The following SRRM2 variants were observed in gnomAD, a reference collection of about 807,000 sequenced individuals.
The protein encoded by SRRM2 is serine/arginine repetitive matrix 2, also known as serine/arginine repetitive matrix protein 2.
Under a neutral mutation model 213.8 loss-of-function variants are expected in SRRM2, and 30 were observed. The observed-to-expected ratio is 0.14, with a 90% CI of 0.10 to 0.19. The LOEUF (loss-of-function observed/expected upper bound fraction) is 0.19. Among genes scored for constraint, SRRM2 ranks in the 10% least tolerant of loss-of-function variants. The pLI is 1.00. For synonymous variants in SRRM2, 2,025 were observed against 1,377.7 expected (o/e 1.47, Z -10.40); for missense variants, 4,904 against 3,647.0 (o/e 1.34, Z -8.88).
In SRRM2 at chr16:2,765,348, A is replaced by C. The variant is rs757965536; in HGVS notation, c.4820A>C (p.Lys1607Thr). The C allele has an allele frequency of 3.1e-6, 5 of 1,614,136 alleles. No homozygotes were observed. The East Asian group carries it at 1.1e-4, about 36-fold the overall frequency. Reference sequence around the variant, plus strand: ...GGTTCCTCCCCTGAAGTGAAAGATAAGCCAAGAGCAGCACCCAGGGCACAG... The same window carrying C: ...GGTTCCTCCCCTGAAGTGAAAGATACGCCAAGAGCAGCACCCAGGGCACAG... ...RSGSSPEVKD[K>T]PRAAPRAQSG... Residue 1607 changes from lysine (K) to threonine (T), a missense_variant, in exon 11 of 15, where the codon AAG becomes ACG. Lys to Thr is a moderately conservative substitution (Grantham distance 78). Coordinates refer to ENST00000301740, the MANE Select transcript of SRRM2 (RefSeq NM_016333.4).
In SRRM2 at chr16:2,761,815, A is replaced by G. The variant is rs1352287973; in HGVS notation, c.1287A>G (p.Lys429=). 1.9e-6 allele frequency: 3 copies of G among 1,613,628 alleles called. No homozygotes were observed. The highest frequency in any genetic ancestry group is 2.2e-5 in the South Asian group (2 of 91,064). Residue 429 remains lysine, a synonymous_variant, in exon 11 of 15, where the codon AAA becomes AAG. Coordinates refer to ENST00000301740, the MANE Select transcript of SRRM2 (RefSeq NM_016333.4). ...GCCCACCATCCCCTCAACCTACCAA[A>G]GTTTCTCGGCATGCCAGCTCTTCCC... is the stretch of plus-strand genomic sequence containing the variant. ...ESSPPSPQPT[K]VSRHASSSPE...
intron 2 of SRRM2, among the ~76,000 whole-genome samples, chr16:2,757,082 C>G (rs2240145): frequency 6.6e-6 from 1 of 152,128 alleles, no homozygotes; most frequent in Non-Finnish European, 1.5e-5. Context: ...GAAAAGGAGC[C>G]CATTAAGGCA....
Position 2,763,303 on chromosome 16 carries a change from A to T in SRRM2, c.2775A>T (p.Pro925=), listed in dbSNP as rs542517343. 1.9e-6 allele frequency: 3 copies of T among 1,614,174 alleles called. No individual in the cohort carries two copies. The South Asian group carries it at 3.3e-5, about 18-fold the overall frequency. Residue 925 remains proline (P), a synonymous_variant, in exon 11 of 15, where the codon CCA becomes CCT. Coordinates refer to ENST00000301740, the MANE Select transcript of SRRM2 (RefSeq NM_016333.4). The stretch of plus-strand genomic sequence containing the variant: ...CCAAAGTGAAGGCAATAATATCACC[A>T]AGACAAAGAAGCCATTCTGGCTCCT... ...PQPKVKAIIS[P]RQRSHSGSSS... is the part of the protein sequence containing the mutation.
chr16:2,766,942 C>A lies in SRRM2; in HGVS notation c.6414C>A (p.Pro2138=), dbSNP rs144378555. ...GCAGATCACCTGGAATGCTTGAACC[C>A]CTTGGCAGCTCTAGAACACCCATGT... The part of the protein sequence containing the change: ...DRCRSPGMLE[P]LGSSRTPMSV... The change falls in exon 11 of 15, where the codon CCC becomes CCA. Residue 2138 remains proline (P), a synonymous_variant. Coordinates refer to ENST00000301740, the MANE Select transcript of SRRM2 (RefSeq NM_016333.4). The surrounding 1 kb of genome is among the most constrained non-coding windows in gnomAD (Gnocchi z 7.0). 1.2e-6 allele frequency: 2 copies of A among 1,614,092 alleles called. No individual in the cohort carries two copies.
rs1360522457 is a variant in SRRM2 at position 2,752,814 on chromosome 16, C to T, written c.-64C>T. ...TCGAGCAGCGGCGGCGGCAAGACCT[C>T]TCCCCCTCGGAGGCGGCGGGCGGAG... is the stretch of plus-strand genomic sequence containing the variant. On this transcript the variant is annotated 5_prime_UTR_variant, in exon 1 of 15. Transcript: ENST00000301740. The T allele has an allele frequency of 1.2e-5, 4 of 322,280 alleles. No individual in the cohort carries two copies. Among genetic ancestry groups the T allele is most frequent in the African/African-American group, 2.3e-5 (1 of 43,778 alleles). 20.0% of individuals were successfully genotyped at this position (322,280 alleles called of 1,614,324 possible). A position where few individuals can be genotyped will look rare whatever the true frequency, so the allele number is the denominator to read the frequency against.
In SRRM2 at chr16:2,761,843, G is replaced by C. The variant is rs1166295625; in HGVS notation, c.1315G>C (p.Glu439Gln). The C allele has an allele frequency of 6.2e-7, 1 of 1,613,360 alleles. No homozygotes were observed. Among genetic ancestry groups the C allele is most frequent in the South Asian group, 1.1e-5 (1 of 91,066 alleles). Residue 439 changes from glutamate to glutamine, a missense_variant, in exon 11 of 15, where the codon GAA (glutamate) becomes CAA (glutamine). Coordinates refer to ENST00000301740, the MANE Select transcript of SRRM2 (RefSeq NM_016333.4). ...KVSRHASSSP[E>Q]SPKPAPAPGS... The stretch of plus-strand genomic sequence containing the variant: ...TTCTCGGCATGCCAGCTCTTCCCCA[G>C]AAAGTCCTAAACCTGCTCCAGCTCC...
At chr16:2,753,573 C>T (rs2068023678) in intron 1 of SRRM2, 1 of 152,148 alleles carries the variant, frequency 6.6e-6, no homozygotes, top group African/African-American at 2.4e-5. Flanking sequence ...CCCGAGAATT[C>T]GTGTTCAAAC....
chr16:2,763,555 T>G lies in SRRM2; in HGVS notation c.3027T>G (p.Leu1009=). ...CCCAAACTCCACCGGGGCCAAGTCT[T>G]TCTGGATCAAAGTCACCATGTCCCC... ...VKAQTPPGPS[L]SGSKSPCPQE... is the part of the protein sequence containing the mutation. The change falls in exon 11 of 15, where the codon CTT becomes CTG. Residue 1009 remains leucine, a synonymous_variant. Transcript: ENST00000301740. 1 of 1,614,130 alleles carries G rather than the reference T, an allele frequency of 6.2e-7. No homozygotes were observed. The highest frequency in any genetic ancestry group is 1.1e-5 in the South Asian group (1 of 91,072).
intron 4 of SRRM2, among the ~76,000 whole-genome samples, chr16:2,758,187 G>A (rs780400081): frequency 2.0e-4 from 30 of 152,026 alleles, no homozygotes; most frequent in Non-Finnish European, 1.8e-4. Context: ...CAGCCTGGGC[G>A]ATGTAGTGAG....
intron 12 of SRRM2, chr16:2,769,675 C>T (rs1245748665): frequency 1.6e-5 from 8 of 511,966 alleles, no homozygotes; most frequent in African/African-American, 9.6e-5. Flanking sequence ...CCACATGTAG[C>T]CAGAGGGACC....
In SRRM2 at chr16:2,762,917, A is replaced by G. The variant is rs750652275; in HGVS notation, c.2389A>G (p.Ser797Gly). ...KQKSQTPPRR[S>G]RSGSSQPKAK... ...AAAGTCACAGACACCACCCAGGCGCAGTCGCTCTGGATCCTCCCAACCTAA... is the reference window on the plus strand; with the variant it reads ...AAAGTCACAGACACCACCCAGGCGCGGTCGCTCTGGATCCTCCCAACCTAA... Residue 797 changes from serine (S) to glycine (G), a missense_variant, in exon 11 of 15, where the codon AGT becomes GGT. Physicochemically the swap from Ser to Gly is moderately conservative, Grantham distance 56 (BLOSUM62 0). Coordinates refer to ENST00000301740, the MANE Select transcript of SRRM2 (RefSeq NM_016333.4). 4.3e-6 allele frequency: 7 copies of G among 1,609,944 alleles called. No individual in the cohort carries two copies. The highest frequency in any genetic ancestry group is 3.3e-5 in the Admixed American group (2 of 59,914).
At position 2,770,983 on chromosome 16, in the gene SRRM2, C is replaced by T. The variant is rs557390123; in HGVS notation, c.*116C>T. The T allele has an allele frequency of 5.2e-6, 7 of 1,335,230 alleles. No individual in the cohort carries two copies. The highest frequency in any genetic ancestry group is 3.0e-5 in the African/African-American group (2 of 67,578). The allele number at this position is 1,335,230 out of a possible 1,614,324, so 82.7% of individuals were successfully genotyped here. On this transcript the variant is annotated 3_prime_UTR_variant, in exon 15 of 15. Coordinates refer to ENST00000301740, the MANE Select transcript of SRRM2 (RefSeq NM_016333.4). ...CTGCTCTCCTTTGAACCTTGGCAGC[C>T]CTTGGATGGAGGGCTCCCTTTCCCT...
intron 12 of SRRM2, chr16:2,769,841 C>A (rs2068680039): frequency 2.1e-6 from 1 of 466,322 alleles, no homozygotes. Context: ...TGCCCGCCCC[C>A]ACACATGCCC....
At position 2,766,377 on chromosome 16, in the gene SRRM2, C is replaced by G. The variant is rs2068543892; in HGVS notation, c.5849C>G (p.Thr1950Ser). Reference protein sequence around the residue: ...PTTRRRSRSRTPPVTRRRSRS... With the variant: ...PTTRRRSRSRSPPVTRRRSRS... ...ACACGCCGCCGCTCCCGTTCTAGAACTCCACCAGTGACTCGCAGAAGGTCC... is the reference window on the plus strand; with the variant it reads ...ACACGCCGCCGCTCCCGTTCTAGAAGTCCACCAGTGACTCGCAGAAGGTCC... The change falls in exon 11 of 15, where the codon ACT becomes AGT. Residue 1950 changes from threonine to serine, a missense_variant. Coordinates refer to ENST00000301740, the MANE Select transcript of SRRM2 (RefSeq NM_016333.4). The surrounding 1 kb of genome is among the most constrained non-coding windows in gnomAD (Gnocchi z 7.0). 6.2e-7 allele frequency: 1 copy of G among 1,614,180 alleles called. No individual in the cohort carries two copies. Among genetic ancestry groups the G allele is most frequent in the African/African-American group, 1.3e-5 (1 of 75,048 alleles).
At position 2,765,567 on chromosome 16, in the gene SRRM2, C is replaced by T. The variant is rs949235639; in HGVS notation, c.5039C>T (p.Thr1680Ile). Reference sequence around the variant, plus strand: ...TCCAGGTCATCACCAGAGCCCAAGACCAAGTCTCGTACACCACCTCGACGT... The same window carrying T: ...TCCAGGTCATCACCAGAGCCCAAGATCAAGTCTCGTACACCACCTCGACGT... ...RGSRSSPEPK[T>I]KSRTPPRRRS... Residue 1680 changes from threonine to isoleucine, a missense_variant, in exon 11 of 15, where the codon ACC (threonine) becomes ATC (isoleucine). Coordinates refer to ENST00000301740, the MANE Select transcript of SRRM2 (RefSeq NM_016333.4). The T allele has an allele frequency of 2.5e-6, 4 of 1,614,086 alleles. No individual in the cohort carries two copies. Among genetic ancestry groups the T allele is most frequent in the Non-Finnish European group, 2.5e-6 (3 of 1,180,052 alleles).
rs367601358 is a variant in SRRM2 at position 2,766,367 on chromosome 16, C to T, written c.5839C>T (p.Arg1947Cys). Residue 1947 changes from arginine to cysteine, a missense_variant, in exon 11 of 15, where the codon CGT (arginine) becomes TGT (cysteine). By Grantham distance (180) the Arg-to-Cys change is radical. Coordinates refer to ENST00000301740, the MANE Select transcript of SRRM2 (RefSeq NM_016333.4). This position sits in a 1 kb window ranked among gnomAD's most constrained non-coding sequence, Gnocchi z 7.0. The part of the protein sequence containing the change: ...SRTPTTRRRS[R>C]SRTPPVTRRR... Reference sequence around the variant, plus strand: ...AACGCCAACAACACGCCGCCGCTCCCGTTCTAGAACTCCACCAGTGACTCG... The same window carrying T: ...AACGCCAACAACACGCCGCCGCTCCTGTTCTAGAACTCCACCAGTGACTCG... The T allele has an allele frequency of 3.2e-5, 52 of 1,610,920 alleles. No homozygotes were observed. Among genetic ancestry groups the T allele is most frequent in the South Asian group, 4.4e-5 (4 of 90,882 alleles).
chr16:2,758,245 G>T (rs1269061985), intron 4 of SRRM2, among the ~76,000 whole-genome samples: 1 of 152,248 alleles, frequency 6.6e-6, no homozygotes, highest in Non-Finnish European at 1.5e-5. Flanking sequence ...GCACATGCCT[G>T]TAGTCCAGGC....
intron 1 of SRRM2, among the ~76,000 whole-genome samples, chr16:2,755,748 C>T (rs1384690378): frequency 6.6e-6 from 1 of 152,204 alleles, no homozygotes; most frequent in Middle Eastern, 3.2e-3. Context: ...TCTGAACCAA[C>T]TAGTCTGCTG....
rs776373268 is a variant in SRRM2 at position 2,759,625 on chromosome 16, C to T, written c.797C>T (p.Ala266Val). Residue 266 changes from alanine (A) to valine (V), a missense_variant, in exon 9 of 15, where the codon GCT becomes GTT. Coordinates refer to ENST00000301740, the MANE Select transcript of SRRM2 (RefSeq NM_016333.4). The part of the protein sequence containing the change: ...KSRRAHRSTS[A>V]DSASSSDTSR... ...CGCCGGGCCCACCGTTCAACTTCTG[C>T]TGACTCTGCTTCCTCCTCCGATACT... The T allele has an allele frequency of 1.2e-6, 2 of 1,613,410 alleles. No individual in the cohort carries two copies. The highest frequency in any genetic ancestry group is 1.7e-6 in the Non-Finnish European group (2 of 1,179,948).
Sources: allele counts gnomAD v4.1 joint callset (sites outside exome capture counted in the v4.1 genomes callset), GRCh38; gene constraint gnomAD v4.1.1; non-coding constraint Gnocchi (gnomAD v3.1); transcripts MANE v1.5; gene names NCBI Gene and HGNC (gene_info 2026-07-23, HGNC 2026-07-21).